Variants in SPATA1 observed in about 807,000 individuals in gnomAD.
SPATA1 encodes the protein spermatogenesis-associated protein 1.
A neutral mutation model predicts 59.6 loss-of-function variants in SPATA1; 57 were observed. The observed-to-expected ratio is 0.96, with a 90% CI of 0.77 to 1.19. The LOEUF is 1.19. Among genes scored for constraint, SPATA1 ranks in the 50% most tolerant of loss-of-function variants. The probability of loss-of-function intolerance (pLI) is 0.00; values close to 1 mark genes in which losing one functional copy is unlikely to be tolerated. For synonymous variants in SPATA1, 147 were observed against 163.9 expected, an observed-to-expected ratio of 0.90 and a Z score of 0.79; for missense variants, 448 against 480.7, an observed-to-expected ratio of 0.93 and a Z score of 0.64.
At chr1:84,553,008 A>C in intron 12 of SPATA1, 1 of 1,430,058 alleles carries the variant, frequency 7.0e-7, no homozygotes, top group Non-Finnish European at 9.5e-7. Context: ...GATGAAGTTC[A>C]TTTTTGAAAA....
chr1:84,548,301 T>TAA (rs1684155706), intron 10 of SPATA1, among the ~76,000 whole-genome samples: 1 of 151,882 alleles, frequency 6.6e-6, no homozygotes, highest in Non-Finnish European at 1.5e-5. Context: ...TTGGTATCAA[T>TAA]GCAATTTGTT....
intron 2 of SPATA1, among the ~76,000 whole-genome samples, 158 bp downstream of exon 2, chr1:84,516,553 G>A (rs10874450): frequency 0.072 from 10,875 of 152,092 alleles, 783 homozygotes; most frequent in African/African-American, 0.18. Flanking sequence ...TACACTTCTC[G>A]TGTCTCTAGC....
At chr1:84,563,537 A>G in intron 4 of SPATA1, 1 of 753,952 alleles carries the variant, frequency 1.3e-6, no homozygotes, top group Non-Finnish European at 1.9e-6. Flanking sequence ...CTGACTATAC[A>G]GAAAAAAGGT....
chr1:84,558,973 A>C (rs950008451), downstream of SPATA1, among the ~76,000 whole-genome samples: 1 of 152,210 alleles, frequency 6.6e-6, no homozygotes, highest in Non-Finnish European at 1.5e-5. Context: ...TACTAAGGTC[A>C]GGATTACAAA....
chr1:84,556,373 G>A (rs1249477702), downstream of SPATA1, among the ~76,000 whole-genome samples: 1 of 152,144 alleles, frequency 6.6e-6, no homozygotes, highest in East Asian at 1.9e-4. Context: ...ATTAATGCCA[G>A]TAATATTTAC....
At position 84,522,938 on chromosome 1, in the gene SPATA1, T is replaced by A. The variant is rs553676273; in HGVS notation, c.261+431T>A. Among the ~76,000 whole-genome samples the A allele has an allele frequency of 4.7e-5, 7 of 150,132 alleles. No homozygotes were observed. In the South Asian group the frequency reaches 8.5e-4, roughly 18 times the overall value. On this transcript the variant is annotated intron_variant, in intron 4 of 12. Transcript: ENST00000490879. Reference sequence around the variant, plus strand: ...TTTTTTTTTTTTTTCCGAGACGGAGTCTTGCTCTGTCACCCTGGCTAGAGT... The same window carrying A: ...TTTTTTTTTTTTTTCCGAGACGGAGACTTGCTCTGTCACCCTGGCTAGAGT...
intron 4 of SPATA1, among the ~76,000 whole-genome samples, chr1:84,561,512 A>T (rs1684593580): frequency 6.6e-6 from 1 of 152,260 alleles, no homozygotes; most frequent in Admixed American, 6.5e-5. Context: ...ACTTATTAAT[A>T]AAGCAGCAGC....
downstream of SPATA1, among the ~76,000 whole-genome samples, chr1:84,556,584 T>C (rs979420282): frequency 6.6e-6 from 1 of 151,754 alleles, no homozygotes; most frequent in Non-Finnish European, 1.5e-5. Flanking sequence ...TGGTGGTGCA[T>C]GCCTGTAGTC....
chr1:84,526,794 G>A (rs1683242442), intron 6 of SPATA1, among the ~76,000 whole-genome samples: 1 of 150,696 alleles, frequency 6.6e-6, no homozygotes, highest in South Asian at 2.1e-4. Context: ...CTTGAGCCAG[G>A]GACGGGGAGG....
chr1:84,557,589 C>T (rs915585109), downstream of SPATA1, among the ~76,000 whole-genome samples: 1 of 146,926 alleles, frequency 6.8e-6, no homozygotes. Flanking sequence ...GGCGCGGTGG[C>T]TCACACCTAT....
chr1:84,558,543 A>G (rs546419094), downstream of SPATA1, among the ~76,000 whole-genome samples: 20 of 150,772 alleles, frequency 1.3e-4, no homozygotes, highest in Non-Finnish European at 2.8e-4. Flanking sequence ...CGCCCGCCTC[A>G]GCCTCCCAAA....
intron 6 of SPATA1, 151 bp downstream of exon 6, chr1:84,526,224 AT>A (rs1683218076): frequency 1.6e-6 from 1 of 621,340 alleles, no homozygotes; most frequent in East Asian, 2.9e-5. Flanking sequence ...TTCTAAAAAA[AT>A]ATTTTTGCCA....
At chr1:84,546,678 G>A (rs1172571696) in intron 10 of SPATA1, among the ~76,000 whole-genome samples, 3 of 152,022 alleles carry the variant, frequency 2.0e-5, no homozygotes, top group Non-Finnish European at 4.4e-5. Flanking sequence ...CTTACCTTGA[G>A]GTACCCTCTT....
At chr1:84,563,867 C>G in intron 4 of SPATA1, 1 of 1,590,686 alleles carries the variant, frequency 6.3e-7, no homozygotes, top group South Asian at 1.2e-5. Context: ...ATATTTGTTT[C>G]TCTTCATATG....
chr1:84,525,620 CAA>C (rs972706950), intron 4 of SPATA1, 74 bp from the exon 5 acceptor site: 4 of 1,298,472 alleles, frequency 3.1e-6, no homozygotes, highest in Non-Finnish European at 4.2e-6. Context: ...ATGCCTTCTG[CAA>C]AAAAAGTAGA....
At position 84,525,825 on chromosome 1, in the gene SPATA1, A is replaced by G. The variant is rs1328245283; in HGVS notation, c.316-20A>G. 1.9e-6 allele frequency: 3 copies of G among 1,604,574 alleles called. No homozygotes were observed. Among genetic ancestry groups the G allele is most frequent in the Non-Finnish European group, 2.5e-6 (3 of 1,177,692 alleles). ...GCTTTTAATTGCAAACTAACTTTTA[A>G]AATTTCCTATATGTTTTAGGCTCTT... On this transcript the variant is annotated intron_variant, in intron 5 of 12. Coordinates refer to ENST00000490879, the Ensembl canonical transcript of SPATA1.
At chr1:84,527,157 T>A (rs1042555221) in intron 6 of SPATA1, among the ~76,000 whole-genome samples, 7 of 152,120 alleles carry the variant, frequency 4.6e-5, no homozygotes, top group Admixed American at 4.6e-4. Flanking sequence ...AACTACTATA[T>A]TCTACAGCTT....
At chr1:84,516,974 C>G (rs1682817197) in intron 2 of SPATA1, among the ~76,000 whole-genome samples, 1 of 152,112 alleles carries the variant, frequency 6.6e-6, no homozygotes, top group South Asian at 2.1e-4. Flanking sequence ...GTATGTCATA[C>G]CATCTCAGAC....
intron 1 of SPATA1, among the ~76,000 whole-genome samples, chr1:84,510,928 C>T (rs1308327147): frequency 1.3e-5 from 2 of 152,184 alleles, no homozygotes; most frequent in African/African-American, 4.8e-5. Context: ...ACAAACCTCA[C>T]ATGTTCTCAC....
Sources: allele counts gnomAD v4.1 joint callset (sites outside exome capture counted in the v4.1 genomes callset), GRCh38; gene constraint gnomAD v4.1.1; transcripts MANE v1.5; gene names NCBI Gene and HGNC (gene_info 2026-07-23, HGNC 2026-07-21).